The following GOLM1 variants were observed in gnomAD, a reference collection of about 807,000 sequenced individuals.
GOLM1 encodes the protein golgi membrane protein 1.
GOLM1 carries 31 observed loss-of-function variants against 50.5 expected under a neutral mutation model. The observed-to-expected ratio is 0.61, with a 90% CI of 0.46 to 0.83. The LOEUF (loss-of-function observed/expected upper bound fraction) is 0.83. GOLM1 is among the 40% of genes least tolerant of loss of function. GOLM1 has a pLI of 0.00. For synonymous variants in GOLM1, 178 were observed against 192.8 expected, an observed-to-expected ratio of 0.92 and a Z score of 0.64; for missense variants, 491 against 501.3, an observed-to-expected ratio of 0.98 and a Z score of 0.20.
At chr9:86,034,782 G>T (rs7029674) in intron 8 of GOLM1, among the ~76,000 whole-genome samples, 6,875 of 152,234 alleles carry the variant, frequency 0.045, 562 homozygotes, top group East Asian at 0.36. Context: ...TCCTGGCTCA[G>T]GTGGGAAGGA....
intron 1 of GOLM1, among the ~76,000 whole-genome samples, chr9:86,083,891 T>C (rs1251750447): frequency 6.6e-6 from 1 of 152,208 alleles, no homozygotes; most frequent in East Asian, 1.9e-4. Flanking sequence ...GATCAGAACT[T>C]ATCTGAAGCT....
Position 86,052,590 on chromosome 9 carries a change from G to A in GOLM1, c.311C>T (p.Ala104Val), listed in dbSNP as rs1369249159. 9 of 1,613,382 alleles carry A rather than the reference G, an allele frequency of 5.6e-6. No individual in the cohort carries two copies. The highest frequency in any genetic ancestry group is 5.1e-6 in the Non-Finnish European group (6 of 1,179,424). The change falls in exon 4 of 10, where the codon GCG becomes GTG. Residue 104 changes from alanine (A) to valine (V), a missense_variant and splice_region_variant. By Grantham distance (64) the Ala-to-Val change is moderately conservative. Transcript: ENST00000388712. Reference sequence around the variant, plus strand: ...TGTGGTGATGTTATTCACCAAAACCGCCTGCAACGAAGATAAACTCGCATG... The same window carrying A: ...TGTGGTGATGTTATTCACCAAAACCACCTGCAACGAAGATAAACTCGCATG... The part of the protein sequence containing the change: ...SVNKLYQDEK[A>V]VLVNNITTGE...
chr9:86,043,587 GCTT>G (rs1039308909), intron 5 of GOLM1, among the ~76,000 whole-genome samples: 16 of 152,172 alleles, frequency 1.1e-4, no homozygotes, highest in African/African-American at 3.9e-4. Flanking sequence ...AGAATAACTA[GCTT>G]TTTTTTGCTT....
intron 1 of GOLM1, among the ~76,000 whole-genome samples, chr9:86,097,076 T>G (rs2118918066): frequency 6.6e-6 from 1 of 151,918 alleles, no homozygotes; most frequent in South Asian, 2.1e-4. Context: ...ACTTTTTTTT[T>G]TTTTTTTCCT....
chr9:86,081,005 C>G (rs1834764796), intron 1 of GOLM1, among the ~76,000 whole-genome samples: 1 of 152,092 alleles, frequency 6.6e-6, no homozygotes, highest in South Asian at 2.1e-4. Flanking sequence ...CTGCCCTCAA[C>G]CTCTCAAGTA....
intron 7 of GOLM1, 88 bp downstream of exon 7, chr9:86,036,260 A>G: frequency 1.4e-6 from 2 of 1,388,768 alleles, no homozygotes; most frequent in East Asian, 2.3e-5. Flanking sequence ...TGCCGGGTTC[A>G]CTGACTGCCT....
Position 86,027,498 on chromosome 9 carries a change from T to C in GOLM1, c.*319A>G, listed in dbSNP as rs1193601752. ...GTGGCTGTTAATTTACACAAAGTTA[T>C]ATTCCAGAATCAGGAAGCCCCGCTG... On this transcript the variant is annotated 3_prime_UTR_variant, in exon 10 of 10. Transcript: ENST00000388712. 8.8e-7 allele frequency: 1 copy of C among 1,132,580 alleles called. No individual in the cohort carries two copies. Among genetic ancestry groups the C allele is most frequent in the Non-Finnish European group, 1.1e-6 (1 of 922,934 alleles). 70.2% of individuals were successfully genotyped at this position (1,132,580 alleles called of 1,614,324 possible). A position where few individuals can be genotyped will look rare whatever the true frequency, so the allele number is the denominator to read the frequency against.
chr9:86,087,254 A>C (rs1004733273), intron 1 of GOLM1, among the ~76,000 whole-genome samples: 6 of 151,744 alleles, frequency 4.0e-5, no homozygotes, highest in Admixed American at 3.9e-4. Context: ...CTGTTTGTCT[A>C]TTAGTGTATA....
intron 9 of GOLM1, among the ~76,000 whole-genome samples, chr9:86,030,001 C>T (rs1832920145): frequency 6.6e-6 from 1 of 152,122 alleles, no homozygotes; most frequent in Non-Finnish European, 1.5e-5. Context: ...CACCTGAGGT[C>T]AGGATTTCGA....
intron 3 of GOLM1, among the ~76,000 whole-genome samples, chr9:86,069,112 TA>T (rs1834382756): frequency 6.6e-6 from 1 of 150,778 alleles, no homozygotes; most frequent in Non-Finnish European, 1.5e-5. Context: ...AAGTAGTAAC[TA>T]ATAAAAGCTT....
intron 3 of GOLM1, among the ~76,000 whole-genome samples, chr9:86,064,416 C>T (rs1834247039): frequency 6.6e-6 from 1 of 152,186 alleles, no homozygotes; most frequent in Admixed American, 6.5e-5. Flanking sequence ...GTTGATCCCT[C>T]CTCTTGGCTG....
chr9:86,081,651 A>G (rs935034370), intron 1 of GOLM1, among the ~76,000 whole-genome samples: 2 of 152,048 alleles, frequency 1.3e-5, no homozygotes, highest in Non-Finnish European at 2.9e-5. Flanking sequence ...GCACTTTGGG[A>G]GGCCAAGGCA....
intron 7 of GOLM1, 86 bp downstream of exon 7, chr9:86,036,262 T>C: frequency 7.1e-7 from 1 of 1,411,240 alleles, no homozygotes; most frequent in Non-Finnish European, 1.0e-6. Flanking sequence ...CCGGGTTCAC[T>C]GACTGCCTCA....
chr9:86,085,228 A>T (rs10868367), intron 1 of GOLM1, among the ~76,000 whole-genome samples: 6 of 152,088 alleles, frequency 3.9e-5, no homozygotes, highest in African/African-American at 1.5e-4. Flanking sequence ...ATTAATTGTG[A>T]GTACAAATGA....
chr9:86,061,099 A>G (rs1182640769), intron 3 of GOLM1, among the ~76,000 whole-genome samples: 1 of 152,008 alleles, frequency 6.6e-6, no homozygotes, highest in African/African-American at 2.4e-5. Context: ...TAATCGCTGA[A>G]GCTTGGCACT....
intron 2 of GOLM1, among the ~76,000 whole-genome samples, chr9:86,078,961 A>C (rs1236972443): frequency 6.6e-6 from 1 of 152,082 alleles, no homozygotes; most frequent in Non-Finnish European, 1.5e-5. Flanking sequence ...AGGGAGGGAT[A>C]CCACAACCGC....
intron 1 of GOLM1, among the ~76,000 whole-genome samples, chr9:86,091,755 T>C (rs1835192142): frequency 6.6e-6 from 1 of 152,216 alleles, no homozygotes; most frequent in Non-Finnish European, 1.5e-5. Flanking sequence ...CCTTTTGTTA[T>C]TCTAGTAGAG....
intron 1 of GOLM1, 117 bp from the exon 2 acceptor site, chr9:86,079,458 G>T: frequency 1.3e-6 from 1 of 763,246 alleles, no homozygotes; most frequent in Non-Finnish European, 2.0e-6. Flanking sequence ...TGGGCTGGTA[G>T]CTTCTCCTTG....
chr9:86,093,714 A>G (rs1329531999), intron 1 of GOLM1, among the ~76,000 whole-genome samples: 1 of 152,226 alleles, frequency 6.6e-6, no homozygotes, highest in Non-Finnish European at 1.5e-5. Context: ...AAAGCCTTCT[A>G]ATTACTTTTT....
Sources: gnomAD v4.1 joint callset for allele counts (sites outside exome capture counted in the v4.1 genomes callset) on GRCh38, gnomAD v4.1.1 for gene constraint, MANE v1.5 for transcripts, NCBI Gene and HGNC (gene_info 2026-07-23, HGNC 2026-07-21) for gene names.